FAM53B: variants seen among roughly 807,000 people sequenced by gnomAD.
FAM53B encodes protein FAM53B.
FAM53B carries 12 observed loss-of-function variants against 32.7 expected under a neutral mutation model. That is an observed-to-expected ratio of 0.37 (90% confidence interval 0.24 to 0.59). The LOEUF is 0.59. Among genes scored for constraint, FAM53B ranks in the 20% least tolerant of loss-of-function variants. The pLI is 0.72. For missense variants in FAM53B, 477 were observed against 577.7 expected, an observed-to-expected ratio of 0.83 and a Z score of 1.79; for synonymous variants, 234 against 228.7, an observed-to-expected ratio of 1.02 and a Z score of -0.21.
chr10:124,664,835 C>T (rs1949658689), intron 4 of FAM53B, among the ~76,000 whole-genome samples: 1 of 152,220 alleles, frequency 6.6e-6, no homozygotes, highest in Non-Finnish European at 1.5e-5. Context: ...CAGAAGTCCC[C>T]ATCCTCTCAC....
intron 1 of FAM53B, among the ~76,000 whole-genome samples, chr10:124,719,847 G>A (rs1045655728): frequency 1.3e-5 from 2 of 151,746 alleles, no homozygotes; most frequent in African/African-American, 4.8e-5. Context: ...AAATGTGCAG[G>A]AGAAGGAAAA....
At chr10:124,732,064 A>T (rs143695104) in intron 1 of FAM53B, among the ~76,000 whole-genome samples, 196 of 152,254 alleles carry the variant, frequency 1.3e-3, no homozygotes, top group African/African-American at 4.5e-3. Flanking sequence ...CTTCTCTTCC[A>T]GGGCCCTAAG....
chr10:124,686,817 T>C (rs1319481086), intron 3 of FAM53B, among the ~76,000 whole-genome samples: 3 of 152,246 alleles, frequency 2.0e-5, no homozygotes, highest in East Asian at 3.8e-4. Context: ...CTGTCTTTTG[T>C]CCTTGGCAAA....
In FAM53B at chr10:124,623,581, G is replaced by A. The variant is rs1949326603; in HGVS notation, c.930C>T (p.Leu310=). 1.9e-6 allele frequency: 3 copies of A among 1,609,472 alleles called. No individual in the cohort carries two copies. The highest frequency in any genetic ancestry group is 4.5e-5 in the East Asian group (2 of 44,850). Residue 310 remains leucine (L), a synonymous_variant, in exon 5 of 5, where the codon CTC becomes CTT. Transcript: ENST00000337318. ...CCTCTGTCCCTGCGCTCAGGCAGCT[G>A]AGGCTGCTGAAGGTCTGACAGTTCT... is the stretch of plus-strand genomic sequence containing the variant. ...MAQNCQTFSS[L]SCLSAGTEDC...
chr10:124,716,981 T>C (rs1175683921), intron 1 of FAM53B, among the ~76,000 whole-genome samples: 5 of 152,116 alleles, frequency 3.3e-5, no homozygotes, highest in African/African-American at 1.2e-4. Context: ...TCGGACCTAT[T>C]TATAAGTATA....
chr10:124,626,398 C>CCA (rs1554901922), intron 4 of FAM53B, among the ~76,000 whole-genome samples: 4 of 146,904 alleles, frequency 2.7e-5, no homozygotes, highest in African/African-American at 9.9e-5. Context: ...GCCCCCCCCC[C>CCA]CCCCACCATT....
At chr10:124,685,985 C>T (rs1035916359) in intron 3 of FAM53B, among the ~76,000 whole-genome samples, 1 of 152,152 alleles carries the variant, frequency 6.6e-6, no homozygotes, top group South Asian at 2.1e-4. Flanking sequence ...CCACATCATT[C>T]CCCACAACAA....
chr10:124,684,937 T>C (rs1329816039), intron 3 of FAM53B, among the ~76,000 whole-genome samples: 1 of 152,248 alleles, frequency 6.6e-6, no homozygotes. Context: ...TTATGTATGA[T>C]GATGTTCATC....
In FAM53B at chr10:124,695,377, C is replaced by T. The variant is rs77094810; in HGVS notation, c.133+781G>A. Among the ~76,000 whole-genome samples, 1,110 of 152,254 alleles carry T rather than the reference C, an allele frequency of 7.3e-3. 24 individuals are homozygous for T. The highest frequency in any genetic ancestry group is 0.025 in the African/African-American group (1,052 of 41,544). The stretch of plus-strand genomic sequence containing the variant: ...CATCTTTTTTACCGCCTATAAAAAA[C>T]AGTAATTCACACTTGCACAGAAACA... On this transcript the variant is annotated intron_variant, in intron 3 of 4. Transcript: ENST00000337318.
In FAM53B at chr10:124,698,265, G is replaced by A. The variant is rs111329121; in HGVS notation, c.79-2053C>T. On this transcript the variant is annotated intron_variant, in intron 2 of 4. Transcript: ENST00000337318. ...CCAGAGAGGCCACACCAGGATGGGGGCTGGGGAGAGCAGAATTGAACAGGA... is the reference window on the plus strand; with the variant it reads ...CCAGAGAGGCCACACCAGGATGGGGACTGGGGAGAGCAGAATTGAACAGGA... Among the ~76,000 whole-genome samples, 1,059 of 152,304 alleles carry A rather than the reference G, an allele frequency of 7.0e-3. 20 individuals carry two copies. Among genetic ancestry groups the A allele is most frequent in the African/African-American group, 0.024 (1,011 of 41,556 alleles).
In FAM53B at chr10:124,695,109, G is replaced by A. The variant is rs138450124; in HGVS notation, c.133+1049C>T. Among the ~76,000 whole-genome samples the A allele has an allele frequency of 2.6e-4, 40 of 152,254 alleles. No homozygotes were observed. In the East Asian group the frequency reaches 4.8e-3, roughly 18 times the overall value. Reference sequence around the variant, plus strand: ...ATCTGAAGAAGAAAAACAAAACACCGCACATGGAGGGAGGACCGAGAAGGA... The same window carrying A: ...ATCTGAAGAAGAAAAACAAAACACCACACATGGAGGGAGGACCGAGAAGGA... On this transcript the variant is annotated intron_variant, in intron 3 of 4. Transcript: ENST00000337318.
chr10:124,674,818 G>A (rs968547955), intron 4 of FAM53B, among the ~76,000 whole-genome samples: 6 of 152,316 alleles, frequency 3.9e-5, no homozygotes, highest in Non-Finnish European at 7.4e-5. Flanking sequence ...CAAGGGCAGC[G>A]CCTGCTAGGG....
intron 4 of FAM53B, among the ~76,000 whole-genome samples, chr10:124,638,960 A>G (rs536012294): frequency 1.3e-5 from 2 of 152,360 alleles, no homozygotes; most frequent in East Asian, 3.9e-4. Flanking sequence ...TGAGCCCCAC[A>G]GGACCTGCTG....
intron 4 of FAM53B, among the ~76,000 whole-genome samples, chr10:124,649,236 C>G (rs1949539965): frequency 6.6e-6 from 1 of 152,268 alleles, no homozygotes; most frequent in African/African-American, 2.4e-5. Flanking sequence ...GTAAGGAAAC[C>G]AGCCTGGATT....
chr10:124,646,110 A>C (rs1949511412), intron 4 of FAM53B, among the ~76,000 whole-genome samples: 2 of 152,114 alleles, frequency 1.3e-5, no homozygotes, highest in South Asian at 4.1e-4. Context: ...CCAGCTGAGG[A>C]CCACTTGTCA....
In FAM53B at chr10:124,653,408, G is replaced by A. The variant is rs190127628; in HGVS notation, c.906+28199C>T. ...CGTGGGGACCCTGATGGACTCAACA[G>A]GGGCATCTCACAGAGCTGAAAATAC... On this transcript the variant is annotated intron_variant, in intron 4 of 4. Transcript: ENST00000337318. 2.0e-3 allele frequency among the ~76,000 whole-genome samples: 303 copies of A among 152,342 alleles called. 1 individual carries two copies. The highest frequency in any genetic ancestry group is 6.6e-3 in the African/African-American group (274 of 41,586).
intron 2 of FAM53B, 105 bp from the exon 3 acceptor site, chr10:124,696,317 T>C: frequency 1.0e-6 from 1 of 978,334 alleles, no homozygotes; most frequent in Non-Finnish European, 1.6e-6. Context: ...TGACTGTCCT[T>C]TGCCAATGTC....
intron 1 of FAM53B, among the ~76,000 whole-genome samples, chr10:124,718,754 G>A (rs1437346734): frequency 6.6e-6 from 1 of 152,258 alleles, no homozygotes; most frequent in Non-Finnish European, 1.5e-5. Context: ...TTTCTGCAAA[G>A]AAGGGCTTCA....
intron 4 of FAM53B, among the ~76,000 whole-genome samples, chr10:124,640,824 C>T (rs966136874): frequency 1.3e-5 from 2 of 152,014 alleles, no homozygotes; most frequent in Admixed American, 6.6e-5. Context: ...CAGCCCCGAG[C>T]GCAGGAAGAG....
Sources: allele counts gnomAD v4.1 joint callset (sites outside exome capture counted in the v4.1 genomes callset), GRCh38; gene constraint gnomAD v4.1.1; transcripts MANE v1.5; gene names NCBI Gene and HGNC (gene_info 2026-07-23, HGNC 2026-07-21).